CD8B2: variants seen among roughly 807,000 people sequenced by gnomAD.
CD8B2 encodes the protein CD8B family member 2, also known as T-cell surface glycoprotein CD8 beta-2 chain.
A neutral mutation model predicts 23.7 loss-of-function variants in CD8B2; 11 were observed. The observed-to-expected ratio is 0.46, with a 90% confidence interval of 0.29 to 0.77. The LOEUF (loss-of-function observed/expected upper bound fraction) is 0.77, where lower values mean the gene tolerates loss of function less well. Among genes scored for constraint, CD8B2 ranks in the 30% least tolerant of loss-of-function variants. The pLI, the probability that CD8B2 is intolerant of heterozygous loss-of-function variation, is 0.09. For missense variants in CD8B2, 197 were observed against 270.5 expected, an observed-to-expected ratio of 0.73 and a Z score of 1.91; for synonymous variants, 90 against 109.3, an observed-to-expected ratio of 0.82 and a Z score of 1.10.
chr2:106,504,320 G>C lies in CD8B2; in HGVS notation c.615G>C (p.Met205Ile), dbSNP rs572613469. ...GGAGGAGAGCCCGGCTTCGTTTCAT[G>C]AAACAGTAAGTGTATAACCTGGGTG... ...CRRRRARLRF[M>I]KQFYK Residue 205 changes from methionine to isoleucine, a missense_variant, in exon 5 of 6, where the codon ATG becomes ATC. Physicochemically the swap from Met to Ile is conservative, Grantham distance 10. Coordinates refer to ENST00000643224, the MANE Select transcript of CD8B2 (RefSeq NM_001349727.2). 1 of 1,554,694 alleles carries C rather than the reference G, an allele frequency of 6.4e-7. No homozygotes were observed. The highest frequency in any genetic ancestry group is 1.4e-5 in the African/African-American group (1 of 73,312).
chr2:106,493,879 C>G (rs541377613), intron 2 of CD8B2, among the ~76,000 whole-genome samples: 159 of 152,302 alleles, frequency 1.0e-3, no homozygotes, highest in Non-Finnish European at 6.5e-4. Flanking sequence ...ATGGGGACAA[C>G]AGTGCCTGCC....
chr2:106,493,928 C>T (rs996620254), intron 2 of CD8B2, among the ~76,000 whole-genome samples: 1 of 152,212 alleles, frequency 6.6e-6, no homozygotes, highest in Admixed American at 6.5e-5. Flanking sequence ...TGCGGAAAGG[C>T]TCAGCACTGC....
At chr2:106,492,118 T>C (rs911285218) in intron 2 of CD8B2, among the ~76,000 whole-genome samples, 4 of 151,972 alleles carry the variant, frequency 2.6e-5, no homozygotes, top group African/African-American at 9.7e-5. Context: ...GTAAGGAGAC[T>C]GAGCCAGGCC....
intron 5 of CD8B2, among the ~76,000 whole-genome samples, chr2:106,541,210 AC>A (rs1680168082): frequency 6.6e-6 from 1 of 152,076 alleles, no homozygotes; most frequent in African/African-American, 2.4e-5. Context: ...AGGACCTCCC[AC>A]TAACTCTAGA....
intron 5 of CD8B2, among the ~76,000 whole-genome samples, chr2:106,516,447 A>G (rs1471389232): frequency 1.3e-5 from 2 of 152,154 alleles, no homozygotes; most frequent in Admixed American, 1.3e-4. Flanking sequence ...TTGAGTCCCA[A>G]TTTGATAACA....
At chr2:106,504,789 C>T (rs1679473956) in intron 5 of CD8B2, among the ~76,000 whole-genome samples, 1 of 152,178 alleles carries the variant, frequency 6.6e-6, no homozygotes, top group African/African-American at 2.4e-5. Context: ...TTCATCCCAC[C>T]TATTATTTCA....
intron 5 of CD8B2, among the ~76,000 whole-genome samples, chr2:106,534,804 G>GA (rs1680060913): frequency 7.4e-6 from 1 of 135,114 alleles, no homozygotes; most frequent in Admixed American, 7.9e-5. Flanking sequence ...TTAAAATTGA[G>GA]AAACATTTTT....
intron 5 of CD8B2, among the ~76,000 whole-genome samples, chr2:106,537,194 G>A (rs1573353347): frequency 6.6e-6 from 1 of 152,190 alleles, no homozygotes; most frequent in Admixed American, 6.5e-5. Context: ...ATGCTGCCCT[G>A]CTATTAACCT....
chr2:106,519,651 G>A (rs909984575), intron 5 of CD8B2, among the ~76,000 whole-genome samples: 11 of 152,314 alleles, frequency 7.2e-5, no homozygotes, highest in African/African-American at 2.2e-4. Context: ...CCAGAGAGCA[G>A]AAGTGCTTCC....
chr2:106,523,873 G>A (rs138409880), intron 5 of CD8B2, among the ~76,000 whole-genome samples: 16 of 152,246 alleles, frequency 1.1e-4, no homozygotes, highest in East Asian at 5.8e-4. Context: ...TCATTGGGTC[G>A]GCTGTCTCAT....
intron 3 of CD8B2, among the ~76,000 whole-genome samples, chr2:106,496,744 G>C (rs1289509154): frequency 2.6e-5 from 4 of 151,850 alleles, no homozygotes; most frequent in African/African-American, 2.4e-5. Context: ...ATTGGTTGCT[G>C]CCTAAGGCTG....
chr2:106,499,074 CT>C (rs916297153), intron 3 of CD8B2, among the ~76,000 whole-genome samples: 7 of 152,068 alleles, frequency 4.6e-5, no homozygotes, highest in African/African-American at 1.7e-4. Flanking sequence ...GCAGCAGCAA[CT>C]TTTCCCGGAG....
chr2:106,511,742 C>T (rs368852270), downstream of CD8B2, among the ~76,000 whole-genome samples: 223 of 152,312 alleles, frequency 1.5e-3, no homozygotes, highest in African/African-American at 5.1e-3. Context: ...TCTGTCGCTT[C>T]TTGGGAAACC....
At chr2:106,506,837 T>G in intron 5 of CD8B2, 91 bp from the exon 6 acceptor site, 1 of 1,592,968 alleles carries the variant, frequency 6.3e-7, no homozygotes, top group Admixed American at 1.7e-5. Flanking sequence ...AGTAGAACTC[T>G]GCATTCTCAC....
rs70953586 is a variant in CD8B2 at position 106,521,023 on chromosome 2, GGA to G, written c.620+16723_620+16724del. Among the ~76,000 whole-genome samples, 874 of 130,436 alleles carry G rather than the reference GGA, an allele frequency of 6.7e-3. 5 individuals are homozygous for G. The highest frequency in any genetic ancestry group is 0.031 in the East Asian group (133 of 4,350). 85.6% of individuals were successfully genotyped at this position (130,436 alleles called of 152,430 possible). A position where few individuals can be genotyped will look rare whatever the true frequency, so the allele number is the denominator to read the frequency against. ...AAAAAAAAAATCATAATGTTTTAAG[GGA>G]GAGAGAGAGAGAGAGAGAGAGAGAA... On this transcript the variant is annotated intron_variant, in intron 5 of 5. Transcript: ENST00000416057.
downstream of CD8B2, among the ~76,000 whole-genome samples, chr2:106,513,759 G>A (rs147267362): frequency 3.2e-4 from 48 of 152,128 alleles, no homozygotes; most frequent in South Asian, 8.3e-3. Context: ...TGGGGGACAT[G>A]GGGAGGGGAG....
intron 2 of CD8B2, among the ~76,000 whole-genome samples, chr2:106,493,872 G>C (rs1237067250): frequency 6.6e-6 from 1 of 152,146 alleles, no homozygotes; most frequent in African/African-American, 2.4e-5. Context: ...GGATAAAATG[G>C]GGACAACAGT....
At chr2:106,502,679 A>G (rs1679434067) in intron 4 of CD8B2, 116 bp downstream of exon 4, 3 of 603,848 alleles carry the variant, frequency 5.0e-6, no homozygotes, top group Non-Finnish European at 8.7e-6. Flanking sequence ...AATTTGCCTC[A>G]GAGAACCTGC....
intron 3 of CD8B2, among the ~76,000 whole-genome samples, 180 bp from the exon 4 acceptor site, chr2:106,502,294 C>A (rs1464339806): frequency 2.3e-4 from 16 of 69,488 alleles, no homozygotes; most frequent in Admixed American, 3.5e-4. Context: ...GACTCTGTCT[C>A]AAAAAAAAAA....
Sources: allele counts gnomAD v4.1 joint callset (sites outside exome capture counted in the v4.1 genomes callset), GRCh38; gene constraint gnomAD v4.1.1; transcripts MANE v1.5; gene names NCBI Gene and HGNC (gene_info 2026-07-23, HGNC 2026-07-21).